C1QTNF1: variants seen among roughly 807,000 people sequenced by gnomAD.
C1QTNF1 encodes the protein complement C1q tumor necrosis factor-related protein 1.
A neutral mutation model predicts 27.8 loss-of-function variants in C1QTNF1; 22 were observed. The ratio of observed to expected loss-of-function variants is 0.79; its 90% CI spans 0.56 to 1.13. C1QTNF1 has a LOEUF of 1.13. Ranked by LOEUF, C1QTNF1 falls within the 50% of genes most tolerant of loss-of-function variation. The pLI, the probability that C1QTNF1 is intolerant of heterozygous loss-of-function variation, is 0.00. For synonymous variants in C1QTNF1, 166 were observed against 154.3 expected, an observed-to-expected ratio of 1.08 and a Z score of -0.56; for missense variants, 373 against 380.2, an observed-to-expected ratio of 0.98 and a Z score of 0.16.
chr17:79,024,922 AC>A (rs1568056978), intron 1 of C1QTNF1: 1 of 152,256 alleles, frequency 6.6e-6, no homozygotes, highest in Non-Finnish European at 1.5e-5. Flanking sequence ...GGATGCCCTC[AC>A]CCCACTCCTT....
intron 1 of C1QTNF1, among the ~76,000 whole-genome samples, chr17:79,037,917 C>A (rs955544056): frequency 2.0e-5 from 3 of 151,974 alleles, no homozygotes; most frequent in African/African-American, 7.3e-5. Context: ...AGCAATCTAC[C>A]CACCTTGGCC....
In C1QTNF1 at chr17:79,039,526, G is replaced by A. The variant is rs375136365; in HGVS notation, c.-14-4429G>A. Reference sequence around the variant, plus strand: ...AAATTAGCCGGGTGTGGAGGCACACGCATATAATCTCAGTTACTAGGGAGA... The same window carrying A: ...AAATTAGCCGGGTGTGGAGGCACACACATATAATCTCAGTTACTAGGGAGA... On this transcript the variant is annotated intron_variant, in intron 1 of 3. Coordinates refer to ENST00000579760, the MANE Select transcript of C1QTNF1 (RefSeq NM_030968.5). 1.3e-3 allele frequency among the ~76,000 whole-genome samples: 195 copies of A among 152,278 alleles called. 5 individuals are homozygous for A. Among genetic ancestry groups the A allele is most frequent in the African/African-American group, 4.5e-3 (185 of 41,558 alleles).
rs77308464 is a variant in C1QTNF1, at chr17:79,040,147, G to C, written c.-14-3808G>C. Among the ~76,000 whole-genome samples the C allele has an allele frequency of 9.7e-3, 1,477 of 152,284 alleles. 61 individuals are homozygous for C. In the East Asian group the frequency reaches 0.14, roughly 15 times the overall value. ...CTGCTGAGTAGACTCTCATAGGCTA[G>C]ACAAACTCTCTGCAGTAGGAGACAA... On this transcript the variant is annotated intron_variant, in intron 1 of 3. Transcript: ENST00000579760.
In C1QTNF1 at chr17:79,044,072, A is replaced by G. The variant is rs1444250465; in HGVS notation, c.104A>G (p.Gln35Arg). The part of the protein sequence containing the change: ...SRVPHVQGEQ[Q>R]EWEGTEELPS... ...GTGCCCCATGTCCAGGGGGAACAGC[A>G]GGAGTGGGAGGGGACTGAGGAGCTG... is the stretch of plus-strand genomic sequence containing the variant. The change falls in exon 2 of 4, where the codon CAG becomes CGG. Residue 35 changes from glutamine to arginine, a missense_variant. Coordinates refer to ENST00000579760, the MANE Select transcript of C1QTNF1 (RefSeq NM_030968.5). 6.2e-7 allele frequency: 1 copy of G among 1,613,822 alleles called. No homozygotes were observed. The highest frequency in any genetic ancestry group is 1.1e-5 in the South Asian group (1 of 91,046).
rs376589128 is a variant in C1QTNF1 at position 79,045,240 on chromosome 17, G to A, written c.155+1117G>A. ...GAATGGGGTGTGCAAAGGCATGGCT[G>A]GTGGTGTTTGTTGGGCTGGTGGGTG... On this transcript the variant is annotated intron_variant, in intron 2 of 3. Transcript: ENST00000579760. Among the ~76,000 whole-genome samples, 227 of 152,202 alleles carry A rather than the reference G, an allele frequency of 1.5e-3. 2 individuals are homozygous for A. The highest frequency in any genetic ancestry group is 5.2e-3 in the African/African-American group (214 of 41,542).
intron 1 of C1QTNF1, among the ~76,000 whole-genome samples, chr17:79,039,812 T>A (rs894840752): frequency 6.6e-6 from 1 of 151,652 alleles, no homozygotes; most frequent in Non-Finnish European, 1.5e-5. Flanking sequence ...TATATATATA[T>A]GTAAATATGT....
At chr17:79,043,468 G>A (rs974468024) in intron 1 of C1QTNF1, 20 of 452,942 alleles carry the variant, frequency 4.4e-5, no homozygotes, top group Non-Finnish European at 7.5e-5. Context: ...TGTTAAGAGT[G>A]TGCATATGGG....
rs534378031 is a variant in C1QTNF1, at chr17:79,044,611, C to T, written c.155+488C>T. Among the ~76,000 whole-genome samples the T allele has an allele frequency of 1.4e-3, 213 of 152,266 alleles. No homozygotes were observed. The Middle Eastern group carries it at 0.017, about 12-fold the overall frequency. ...GAGAGGACAGCGGAGACTGGGTGGG[C>T]CAAGTGTCGGCTTCCCTTGAAAGGT... is the stretch of plus-strand genomic sequence containing the variant. On this transcript the variant is annotated intron_variant, in intron 2 of 3. Coordinates refer to ENST00000579760, the MANE Select transcript of C1QTNF1 (RefSeq NM_030968.5).
upstream of C1QTNF1, chr17:79,023,084 G>C (rs1207095653): frequency 6.6e-6 from 1 of 152,328 alleles, no homozygotes; most frequent in Admixed American, 6.5e-5. Context: ...TCCAGGCAGG[G>C]AAAGGTGAGG....
At chr17:79,023,704 G>GCACACACACACACA (rs5822269), upstream of C1QTNF1, among the ~76,000 whole-genome samples, 79 of 145,026 alleles carry the variant, frequency 5.4e-4, 1 homozygote, top group Non-Finnish European at 7.4e-4. Flanking sequence ...GCGCGCGCGC[G>GCACACACACACACA]CACACACACA....
upstream of C1QTNF1, among the ~76,000 whole-genome samples, chr17:79,023,497 G>A (rs192081914): frequency 2.0e-5 from 3 of 152,322 alleles, no homozygotes; most frequent in Non-Finnish European, 4.4e-5. Flanking sequence ...CTGAGAAAAT[G>A]TCAGGTTTTC....
In C1QTNF1 at chr17:79,046,203, C is replaced by A; in HGVS notation, c.156-352C>A. On this transcript the variant is annotated intron_variant, in intron 2 of 3. Transcript: ENST00000579760. This position sits in a 1 kb window ranked among gnomAD's most constrained non-coding sequence, Gnocchi z 4.8. ...ACGAGTCAGCTTCATATGTTATTTTCTAGCATCACGGATATACGATAGGGA... is the reference window on the plus strand; with the variant it reads ...ACGAGTCAGCTTCATATGTTATTTTATAGCATCACGGATATACGATAGGGA... Among the ~76,000 whole-genome samples, 1 of 152,212 alleles carries A rather than the reference C, an allele frequency of 6.6e-6. No individual in the cohort carries two copies. The highest frequency in any genetic ancestry group is 1.9e-4 in the East Asian group (1 of 5,202).
At chr17:79,033,670 C>T (rs1418602846) in intron 1 of C1QTNF1, among the ~76,000 whole-genome samples, 2 of 151,786 alleles carry the variant, frequency 1.3e-5, no homozygotes, top group African/African-American at 4.8e-5. Context: ...TGTACCACTG[C>T]ACTCCAGCCT....
intron 1 of C1QTNF1, among the ~76,000 whole-genome samples, chr17:79,039,088 C>G (rs1390595863): frequency 1.3e-5 from 2 of 152,206 alleles, no homozygotes; most frequent in Admixed American, 1.3e-4. Context: ...TCCTGGACCC[C>G]GTCTCTTCTG....
chr17:79,040,262 C>G (rs952228927), intron 1 of C1QTNF1, among the ~76,000 whole-genome samples: 3 of 152,126 alleles, frequency 2.0e-5, no homozygotes, highest in African/African-American at 7.2e-5. Flanking sequence ...GAGTTTGAGA[C>G]GAGCCGGGGA....
intron 1 of C1QTNF1, among the ~76,000 whole-genome samples, chr17:79,026,571 G>A (rs1195415492): frequency 6.6e-6 from 1 of 152,234 alleles, no homozygotes; most frequent in Non-Finnish European, 1.5e-5. Context: ...CCAGGGGCAG[G>A]AAGGACACAG....
rs1391778545 is a variant in C1QTNF1, at chr17:79,049,352, G to A, written c.*1264G>A. ...CACCCGTGTCAGGATTCACTCTCAGGAGCTGGGTGGCAGGAGAGGCAATAG... is the reference window on the plus strand; with the variant it reads ...CACCCGTGTCAGGATTCACTCTCAGAAGCTGGGTGGCAGGAGAGGCAATAG... On this transcript the variant is annotated 3_prime_UTR_variant, in exon 4 of 4. Coordinates refer to ENST00000579760, the MANE Select transcript of C1QTNF1 (RefSeq NM_030968.5). The surrounding 1 kb of genome is among the most constrained non-coding windows in gnomAD (Gnocchi z 4.4). The A allele has an allele frequency of 6.6e-6, 1 of 152,404 alleles. No homozygotes were observed. The highest frequency in any genetic ancestry group is 2.4e-5 in the African/African-American group (1 of 41,454). The allele number at this position is 152,404 out of a possible 1,614,324, so 9.4% of individuals were successfully genotyped here.
chr17:79,037,734 T>A (rs2072297802), intron 1 of C1QTNF1, among the ~76,000 whole-genome samples: 1 of 152,144 alleles, frequency 6.6e-6, no homozygotes, highest in Non-Finnish European at 1.5e-5. Context: ...AGTGGTGCGA[T>A]CATGGCTTAC....
At chr17:79,028,055 G>A (rs1011603257) in intron 1 of C1QTNF1, among the ~76,000 whole-genome samples, 1 of 152,218 alleles carries the variant, frequency 6.6e-6, no homozygotes, top group African/African-American at 2.4e-5. Context: ...GGCTGTGGCC[G>A]GGCCGGTGTC....
Sources: allele counts gnomAD v4.1 joint callset (sites outside exome capture counted in the v4.1 genomes callset), GRCh38; gene constraint gnomAD v4.1.1; non-coding constraint Gnocchi (gnomAD v3.1); transcripts MANE v1.5; gene names NCBI Gene and HGNC (gene_info 2026-07-23, HGNC 2026-07-21).